The following PAQR5 variants were observed in gnomAD, a reference collection of about 807,000 sequenced individuals.
PAQR5 encodes the protein progestin and adipoQ receptor family member 5.
In PAQR5, 20 loss-of-function variants were observed where a neutral mutation model predicts 34.5. That is an observed-to-expected ratio of 0.58 (90% CI 0.41 to 0.84). The LOEUF (loss-of-function observed/expected upper bound fraction) is 0.84, where lower values mean the gene tolerates loss of function less well. Among genes scored for constraint, PAQR5 ranks in the 40% least tolerant of loss-of-function variants. The probability of loss-of-function intolerance (pLI) is 0.00; values close to 1 mark genes in which losing one functional copy is unlikely to be tolerated. For missense variants in PAQR5, 378 were observed against 412.7 expected, an observed-to-expected ratio of 0.92 and a Z score of 0.73; for synonymous variants, 131 against 155.6, an observed-to-expected ratio of 0.84 and a Z score of 1.18.
chr15:69,362,286 GCCA>G (rs1416893834), intron 3 of PAQR5, among the ~76,000 whole-genome samples: 1 of 152,150 alleles, frequency 6.6e-6, no homozygotes, highest in Non-Finnish European at 1.5e-5. Context: ...ACACTTTGCA[GCCA>G]CCGTTTGCTT....
rs2055837557 is a variant in PAQR5 at position 69,380,008 on chromosome 15, C to CTGGT, written c.178_179+2dup. 1 of 1,614,012 alleles carries CTGGT rather than the reference C, an allele frequency of 6.2e-7. No individual in the cohort carries two copies. The highest frequency in any genetic ancestry group is 8.5e-7 in the Non-Finnish European group (1 of 1,179,984). ...ACATTTGGACTCACTTGCTGCCCTT[C>CTGGT]TGGTACCTTCTGGCCCCCTCGACCG... On this transcript the variant is annotated frameshift_variant and splice_region_variant, in exon 4 of 9. Transcript: ENST00000395407. LOFTEE classifies it high-confidence loss of function.
chr15:69,346,828 T>C (rs1256560838), intron 2 of PAQR5, among the ~76,000 whole-genome samples: 1 of 151,576 alleles, frequency 6.6e-6, no homozygotes, highest in Non-Finnish European at 1.5e-5. Context: ...ATTTTTATTT[T>C]TTATTTTTTT....
intron 1 of PAQR5, among the ~76,000 whole-genome samples, chr15:69,326,337 T>G (rs78962241): frequency 0.041 from 6,249 of 152,244 alleles, 267 homozygotes; most frequent in East Asian, 0.15. Context: ...CTGGGCTGCA[T>G]CCCGTTCTTT....
At chr15:69,401,471 C>T (rs1410307895) in intron 8 of PAQR5, among the ~76,000 whole-genome samples, 4 of 152,180 alleles carry the variant, frequency 2.6e-5, no homozygotes, top group Non-Finnish European at 5.9e-5. Flanking sequence ...GCCAGGGAAT[C>T]GGAGTCACCA....
At chr15:69,326,042 AT>A (rs371222670) in intron 1 of PAQR5, among the ~76,000 whole-genome samples, 72 of 151,020 alleles carry the variant, frequency 4.8e-4, no homozygotes, top group African/African-American at 1.7e-3. Flanking sequence ...ATGCAGTCAC[AT>A]TTTTTTTTAA....
At chr15:69,342,219 A>G (rs1319152527) in intron 2 of PAQR5, among the ~76,000 whole-genome samples, 1 of 151,972 alleles carries the variant, frequency 6.6e-6, no homozygotes, top group African/African-American at 2.4e-5. Flanking sequence ...TTCCCTAATG[A>G]CTAGTGGTGC....
intron 6 of PAQR5, among the ~76,000 whole-genome samples, chr15:69,396,713 C>T (rs1182763650): frequency 6.6e-6 from 1 of 152,164 alleles, no homozygotes; most frequent in Non-Finnish European, 1.5e-5. Flanking sequence ...GTGCAGCCTG[C>T]TGTCTGTGCT....
At chr15:69,395,537 C>T (rs1282233555) in intron 6 of PAQR5, among the ~76,000 whole-genome samples, 1 of 152,216 alleles carries the variant, frequency 6.6e-6, no homozygotes, top group Non-Finnish European at 1.5e-5. Flanking sequence ...GTGCCATGCA[C>T]AGTTCTAAAC....
chr15:69,358,482 C>T (rs1471124340), intron 2 of PAQR5, among the ~76,000 whole-genome samples: 2 of 152,134 alleles, frequency 1.3e-5, no homozygotes, highest in African/African-American at 4.8e-5. Flanking sequence ...CACTGTCCGT[C>T]CAGGGGCAGC....
In PAQR5 at chr15:69,322,350, C is replaced by T. The variant is rs549307046; in HGVS notation, c.-276-14991C>T. ...TAAAAATACAAAAATCAGCTGGGCG[C>T]GGTAGCGGGCACCTGTAATCCCAGC... is the stretch of plus-strand genomic sequence containing the variant. On this transcript the variant is annotated intron_variant, in intron 1 of 8. Coordinates refer to ENST00000395407, the MANE Select transcript of PAQR5 (RefSeq NM_017705.4). 4.4e-4 allele frequency among the ~76,000 whole-genome samples: 66 copies of T among 148,756 alleles called. 6 individuals are homozygous for T. Among genetic ancestry groups the T allele is most frequent in the African/African-American group, 1.6e-3 (62 of 39,688 alleles).
At chr15:69,317,246 C>G (rs958960801) in intron 1 of PAQR5, among the ~76,000 whole-genome samples, 1 of 152,236 alleles carries the variant, frequency 6.6e-6, no homozygotes, top group East Asian at 1.9e-4. Flanking sequence ...GGTGAGCTGA[C>G]TCTGGAGCCC....
chr15:69,333,294 C>T (rs77384876), intron 1 of PAQR5, among the ~76,000 whole-genome samples: 2 of 152,122 alleles, frequency 1.3e-5, no homozygotes, highest in Non-Finnish European at 2.9e-5. Flanking sequence ...GCGGATAGAT[C>T]CCTCTCAGAA....
chr15:69,314,976 C>T (rs2053913858), intron 1 of PAQR5, among the ~76,000 whole-genome samples: 1 of 152,082 alleles, frequency 6.6e-6, no homozygotes, highest in Non-Finnish European at 1.5e-5. Context: ...CCTGCTGGTG[C>T]CGGGCACTCT....
chr15:69,301,251 G>A (rs926706489), intron 1 of PAQR5, among the ~76,000 whole-genome samples: 3 of 151,960 alleles, frequency 2.0e-5, no homozygotes, highest in East Asian at 1.9e-4. Context: ...TGACCCACCC[G>A]GGTTGGCCTC....
intron 1 of PAQR5, among the ~76,000 whole-genome samples, chr15:69,334,190 G>A (rs572195814): frequency 1.1e-4 from 16 of 152,076 alleles, no homozygotes; most frequent in African/African-American, 3.9e-4. Context: ...ACCACGCCGG[G>A]CTAATTTTTT....
chr15:69,400,393 A>G (rs2056588452), intron 8 of PAQR5, among the ~76,000 whole-genome samples: 1 of 152,216 alleles, frequency 6.6e-6, no homozygotes, highest in South Asian at 2.1e-4. Context: ...ATGGAATCCC[A>G]TGATTAAGTG....
At chr15:69,379,127 C>T (rs917087290) in intron 3 of PAQR5, among the ~76,000 whole-genome samples, 1 of 152,188 alleles carries the variant, frequency 6.6e-6, no homozygotes, top group Non-Finnish European at 1.5e-5. Flanking sequence ...GTTTAAATTC[C>T]ACATTTCTTC....
chr15:69,331,492 T>G (rs989942351), intron 1 of PAQR5, among the ~76,000 whole-genome samples: 1 of 152,146 alleles, frequency 6.6e-6, no homozygotes, highest in Non-Finnish European at 1.5e-5. Flanking sequence ...CGTCTTTGTG[T>G]GTGTCTGTGT....
At chr15:69,310,514 A>T (rs905833218) in intron 1 of PAQR5, among the ~76,000 whole-genome samples, 34 of 152,342 alleles carry the variant, frequency 2.2e-4, no homozygotes, top group African/African-American at 7.9e-4. Flanking sequence ...TTACAGATAT[A>T]AAAGTCATTT....
Sources: gnomAD v4.1 joint callset for allele counts (sites outside exome capture counted in the v4.1 genomes callset) on GRCh38, gnomAD v4.1.1 for gene constraint, MANE v1.5 for transcripts, NCBI Gene and HGNC (gene_info 2026-07-23, HGNC 2026-07-21) for gene names.